ZMAT4: variants seen among roughly 807,000 people sequenced by gnomAD.
The protein encoded by ZMAT4 is zinc finger matrin-type 4.
In ZMAT4, 17 loss-of-function variants were observed where a neutral mutation model predicts 28.7. The ratio of observed to expected loss-of-function variants is 0.59; its 90% CI spans 0.41 to 0.89. ZMAT4 has a LOEUF of 0.89. Among genes scored for constraint, ZMAT4 ranks in the 40% least tolerant of loss-of-function variants. The pLI is 0.00. For synonymous variants in ZMAT4, 117 were observed against 109.2 expected, an observed-to-expected ratio of 1.07 and a Z score of -0.44; for missense variants, 240 against 283.8, an observed-to-expected ratio of 0.85 and a Z score of 1.11.
At chr8:40,790,898 G>C (rs537159568) in intron 2 of ZMAT4, among the ~76,000 whole-genome samples, 58 of 152,302 alleles carry the variant, frequency 3.8e-4, no homozygotes, top group African/African-American at 1.3e-3. Flanking sequence ...AAAAGCTATG[G>C]TAATCAAGAC....
At chr8:40,654,018 C>T (rs1409960831) in intron 5 of ZMAT4, among the ~76,000 whole-genome samples, 1 of 152,146 alleles carries the variant, frequency 6.6e-6, no homozygotes, top group African/African-American at 2.4e-5. Flanking sequence ...TCCACCAGAA[C>T]CAAATTCAAA....
intron 4 of ZMAT4, among the ~76,000 whole-genome samples, chr8:40,680,231 A>G (rs1330374596): frequency 6.6e-6 from 1 of 152,112 alleles, no homozygotes; most frequent in Non-Finnish European, 1.5e-5. Context: ...GAAACCTTTT[A>G]CTCTGACTTG....
intron 3 of ZMAT4, among the ~76,000 whole-genome samples, chr8:40,730,399 A>G (rs542330114): frequency 1.3e-5 from 2 of 152,364 alleles, no homozygotes. Flanking sequence ...TCATTTGGAA[A>G]TATGAGCATG....
intron 3 of ZMAT4, among the ~76,000 whole-genome samples, chr8:40,740,490 T>G (rs370246824): frequency 1.3e-5 from 2 of 152,374 alleles, no homozygotes; most frequent in South Asian, 2.1e-4. Context: ...AATATGCTTC[T>G]TTATAAAATA....
intron 5 of ZMAT4, among the ~76,000 whole-genome samples, chr8:40,651,561 G>A (rs1331142217): frequency 8.5e-5 from 12 of 140,540 alleles, no homozygotes; most frequent in East Asian, 4.3e-4. Context: ...TTTCTTCACA[G>A]AATTGGAAAA....
At chr8:40,644,070 A>T (rs1267893902) in intron 5 of ZMAT4, among the ~76,000 whole-genome samples, 1 of 152,200 alleles carries the variant, frequency 6.6e-6, no homozygotes, top group Non-Finnish European at 1.5e-5. Context: ...AAATCTCTAT[A>T]GTTGCCAAGT....
At chr8:40,841,125 C>T (rs1042652213) in intron 1 of ZMAT4, among the ~76,000 whole-genome samples, 4 of 152,192 alleles carry the variant, frequency 2.6e-5, no homozygotes, top group African/African-American at 4.8e-5. Flanking sequence ...TCCTTGGCAA[C>T]GTCATTCGAT....
intron 5 of ZMAT4, among the ~76,000 whole-genome samples, chr8:40,608,033 A>G (rs895924263): frequency 3.3e-5 from 5 of 152,062 alleles, no homozygotes; most frequent in Non-Finnish European, 5.9e-5. Flanking sequence ...TGACTCTTTC[A>G]AGAGAGCATC....
At chr8:40,610,614 C>A (rs1336145405) in intron 5 of ZMAT4, among the ~76,000 whole-genome samples, 1 of 152,108 alleles carries the variant, frequency 6.6e-6, no homozygotes, top group African/African-American at 2.4e-5. Flanking sequence ...CAATTTCTTT[C>A]ATAAATAGCA....
chr8:40,686,417 A>G (rs1310907246), intron 4 of ZMAT4, among the ~76,000 whole-genome samples: 4 of 152,008 alleles, frequency 2.6e-5, no homozygotes, highest in East Asian at 1.9e-4. Flanking sequence ...GTAAGCTATG[A>G]TCACTCCACT....
chr8:40,677,825 T>C (rs1417614685), intron 4 of ZMAT4, among the ~76,000 whole-genome samples: 1 of 152,244 alleles, frequency 6.6e-6, no homozygotes, highest in South Asian at 2.1e-4. Context: ...TTTGATTTCA[T>C]AGTTTGTTTT....
chr8:40,869,427 G>T (rs567875220), intron 1 of ZMAT4, among the ~76,000 whole-genome samples: 1 of 152,214 alleles, frequency 6.6e-6, no homozygotes, highest in South Asian at 2.1e-4. Flanking sequence ...CTTTGGTGTC[G>T]GACAGATCTA....
At chr8:40,837,470 C>T (rs1816537559) in intron 1 of ZMAT4, among the ~76,000 whole-genome samples, 1 of 152,230 alleles carries the variant, frequency 6.6e-6, no homozygotes, top group Admixed American at 6.5e-5. Context: ...ATGACCTTAA[C>T]TAACTCTACT....
At chr8:40,688,177 C>G (rs1336103872) in intron 4 of ZMAT4, among the ~76,000 whole-genome samples, 8 of 152,078 alleles carry the variant, frequency 5.3e-5, no homozygotes, top group African/African-American at 1.9e-4. Context: ...ATAAAATAGG[C>G]CGGGGGGCGG....
At chr8:40,663,892 G>C (rs1808298851) in intron 5 of ZMAT4, among the ~76,000 whole-genome samples, 1 of 152,090 alleles carries the variant, frequency 6.6e-6, no homozygotes, top group East Asian at 1.9e-4. Context: ...AGTATAAAGA[G>C]AACTAATGCT....
intron 5 of ZMAT4, among the ~76,000 whole-genome samples, chr8:40,643,441 G>T (rs1322076192): frequency 6.6e-6 from 1 of 152,108 alleles, no homozygotes; most frequent in Non-Finnish European, 1.5e-5. Context: ...AAGCTAGCAT[G>T]GTGGGGAATA....
At chr8:40,882,044 G>A (rs1336694922) in intron 1 of ZMAT4, among the ~76,000 whole-genome samples, 1 of 152,162 alleles carries the variant, frequency 6.6e-6, no homozygotes, top group Non-Finnish European at 1.5e-5. Flanking sequence ...GGAAAGGTGA[G>A]GAGGGAGGGC....
At chr8:40,876,775 G>A (rs1386207661) in intron 1 of ZMAT4, among the ~76,000 whole-genome samples, 1 of 152,162 alleles carries the variant, frequency 6.6e-6, no homozygotes. Flanking sequence ...TAAGTTTCTG[G>A]GAAGTCAAAA....
intron 2 of ZMAT4, among the ~76,000 whole-genome samples, chr8:40,776,437 C>A (rs566684592): frequency 6.6e-5 from 10 of 152,270 alleles, no homozygotes; most frequent in Admixed American, 4.6e-4. Context: ...CAACGTGTTA[C>A]AATTTTAAAT....
Sources: allele counts gnomAD v4.1 joint callset (sites outside exome capture counted in the v4.1 genomes callset), GRCh38; gene constraint gnomAD v4.1.1; transcripts MANE v1.5; gene names NCBI Gene and HGNC (gene_info 2026-07-23, HGNC 2026-07-21).